The following MANBA variants were observed in gnomAD, a reference collection of about 807,000 sequenced individuals.
MANBA encodes beta-mannosidase.
In MANBA, 83 loss-of-function variants were observed where a neutral mutation model predicts 111.1. The ratio of observed to expected loss-of-function variants is 0.75; its 90% CI spans 0.63 to 0.90. The LOEUF (loss-of-function observed/expected upper bound fraction) is 0.90. MANBA is among the 40% of genes least tolerant of loss of function. The probability of loss-of-function intolerance (pLI) is 0.00; values close to 1 mark genes in which losing one functional copy is unlikely to be tolerated. For missense variants in MANBA, 1,036 were observed against 1,069.0 expected, an observed-to-expected ratio of 0.97 and a Z score of 0.43; for synonymous variants, 370 against 378.7, an observed-to-expected ratio of 0.98 and a Z score of 0.27.
chr4:102,734,691 C>A, intron 1 of MANBA: 1 of 987,454 alleles, frequency 1.0e-6, no homozygotes, highest in East Asian at 2.5e-5. Context: ...ATATCCTGTT[C>A]CCCCTCTCCA....
chr4:102,638,436 A>G (rs1348897971), intron 14 of MANBA, among the ~76,000 whole-genome samples: 1 of 148,144 alleles, frequency 6.8e-6, no homozygotes, highest in African/African-American at 2.5e-5. Flanking sequence ...CAACAAAAAA[A>G]CAAAACAAAA....
At position 102,735,107 on chromosome 4, in the gene MANBA, T is replaced by A. The variant is rs932911727; in HGVS notation, c.178-8424A>T. On this transcript the variant is annotated intron_variant, in intron 1 of 16. Transcript: ENST00000647097. Reference sequence around the variant, plus strand: ...CCTGTTTGTTTAGGCCAAAACGCCATGGCCATGCAATGTTAGTGATCCCAC... The same window carrying A: ...CCTGTTTGTTTAGGCCAAAACGCCAAGGCCATGCAATGTTAGTGATCCCAC... 7.9e-5 allele frequency among the ~76,000 whole-genome samples: 12 copies of A among 152,294 alleles called. No individual in the cohort carries two copies. In the Middle Eastern group the frequency reaches 0.01, roughly 130 times the overall value.
chr4:102,650,565 G>C lies in MANBA; in HGVS notation c.1841C>G (p.Thr614Arg). The C allele has an allele frequency of 6.2e-7, 1 of 1,613,374 alleles. No individual in the cohort carries two copies. Among genetic ancestry groups the C allele is most frequent in the Middle Eastern group, 1.7e-4 (1 of 6,056 alleles). ...KLPQSTDPLR[T>R]FKDTIYLTQV... ...AGTAAGGTAGATGGTATCTTTAAAT[G>C]TGCGTAATGGATCTGTGCTTTGGGG... Residue 614 changes from threonine to arginine, a missense_variant, in exon 13 of 17, where the codon ACA (threonine) becomes AGA (arginine). Transcript: ENST00000647097.
chr4:102,632,933 G>A (rs1171768856), intron 16 of MANBA, among the ~76,000 whole-genome samples: 1 of 152,220 alleles, frequency 6.6e-6, no homozygotes, highest in Non-Finnish European at 1.5e-5. Flanking sequence ...TCCCCAGAGT[G>A]GGAGGGTTTG....
At chr4:102,745,870 T>C (rs1472012947) in intron 1 of MANBA, among the ~76,000 whole-genome samples, 1 of 152,210 alleles carries the variant, frequency 6.6e-6, no homozygotes, top group Non-Finnish European at 1.5e-5. Flanking sequence ...TCTTTTCTAG[T>C]GTAGCACATC....
intron 7 of MANBA, chr4:102,679,610 C>T (rs1578895970): frequency 6.6e-6 from 1 of 152,102 alleles, no homozygotes; most frequent in East Asian, 1.9e-4. Flanking sequence ...TTCAGCCTTA[C>T]CTTCTAAAAA....
chr4:102,746,924 A>T (rs1027612345), intron 1 of MANBA, among the ~76,000 whole-genome samples: 1 of 151,254 alleles, frequency 6.6e-6, no homozygotes, highest in East Asian at 1.9e-4. Context: ...GTGAGCAGAG[A>T]TCGCGCCACT....
In MANBA at chr4:102,668,943, T is replaced by A. The variant is rs1405437490; in HGVS notation, c.1317+20A>T. 3.2e-6 allele frequency: 5 copies of A among 1,574,472 alleles called. No individual in the cohort carries two copies. The South Asian group carries it at 5.6e-5, about 18-fold the overall frequency. ...AACATATTATTTGTTTTATTTCTTC[T>A]TGGAAGGGTAGTAACATACCTGGTA... On this transcript the variant is annotated intron_variant, in intron 10 of 16. Transcript: ENST00000647097.
chr4:102,726,416 T>C (rs1722802669), intron 2 of MANBA, among the ~76,000 whole-genome samples, 173 bp downstream of exon 2: 1 of 151,996 alleles, frequency 6.6e-6, no homozygotes, highest in Admixed American at 6.6e-5. Flanking sequence ...ATATTCACTT[T>C]TATAGTACAA....
chr4:102,678,469 A>C, intron 7 of MANBA, among the ~76,000 whole-genome samples: 1 of 149,918 alleles, frequency 6.7e-6, no homozygotes, highest in East Asian at 1.9e-4. Context: ...TGAGTAACAC[A>C]TATTTGCATC....
At position 102,755,254 on chromosome 4, in the gene MANBA, T is replaced by C. The variant is rs544380231; in HGVS notation, c.177+5464A>G. On this transcript the variant is annotated intron_variant, in intron 1 of 16. Coordinates refer to ENST00000647097, the MANE Select transcript of MANBA (RefSeq NM_005908.4). Reference sequence around the variant, plus strand: ...GGCTACAGTAACCAAAACAGCATGGTACTGGTACCAAAATAGAGATATAGA... The same window carrying C: ...GGCTACAGTAACCAAAACAGCATGGCACTGGTACCAAAATAGAGATATAGA... 2.5e-3 allele frequency among the ~76,000 whole-genome samples: 387 copies of C among 152,312 alleles called. 3 individuals carry two copies. Among genetic ancestry groups the C allele is most frequent in the African/African-American group, 8.8e-3 (365 of 41,566 alleles).
intron 1 of MANBA, among the ~76,000 whole-genome samples, chr4:102,757,380 A>G (rs1280582623): frequency 6.6e-6 from 1 of 152,156 alleles, no homozygotes; most frequent in Non-Finnish European, 1.5e-5. Flanking sequence ...AGAGAACCCA[A>G]AAGACTCTCT....
intron 7 of MANBA, among the ~76,000 whole-genome samples, chr4:102,689,065 T>A (rs1373959857): frequency 6.6e-6 from 1 of 152,124 alleles, no homozygotes; most frequent in African/African-American, 2.4e-5. Flanking sequence ...TTTAAAAATA[T>A]AAGGCCGGGC....
rs934815358 is a variant in MANBA, at chr4:102,631,962, C to T, written c.*95G>A. The T allele has an allele frequency of 1.6e-5, 17 of 1,073,424 alleles. No homozygotes were observed. Among genetic ancestry groups the T allele is most frequent in the South Asian group, 7.7e-5 (6 of 78,100 alleles). 66.5% of individuals were successfully genotyped at this position (1,073,424 alleles called of 1,614,324 possible). On this transcript the variant is annotated 3_prime_UTR_variant, in exon 17 of 17. Coordinates refer to ENST00000647097, the MANE Select transcript of MANBA (RefSeq NM_005908.4). The stretch of plus-strand genomic sequence containing the variant: ...CGTGGCAGCACGCAGACATGTCTCT[C>T]GGCTTCTCTCCTTGTCTCTGTTGCC...
intron 1 of MANBA, among the ~76,000 whole-genome samples, chr4:102,742,176 C>T (rs566704003): frequency 6.6e-6 from 1 of 152,286 alleles, no homozygotes; most frequent in African/African-American, 2.4e-5. Context: ...CTGACTTAAA[C>T]TTAGGAGGAG....
At chr4:102,643,275 C>G (rs116124797) in intron 13 of MANBA, among the ~76,000 whole-genome samples, 1 of 152,166 alleles carries the variant, frequency 6.6e-6, no homozygotes, top group South Asian at 2.1e-4. Flanking sequence ...TATGGAGATG[C>G]TACATTTTGC....
intron 13 of MANBA, among the ~76,000 whole-genome samples, chr4:102,644,976 T>C (rs1217681461): frequency 6.6e-6 from 1 of 152,078 alleles, no homozygotes; most frequent in East Asian, 1.9e-4. Flanking sequence ...TTCTCAATTT[T>C]ATTGAATCAA....
chr4:102,755,647 T>C (rs2110214087), intron 1 of MANBA, among the ~76,000 whole-genome samples: 1 of 152,314 alleles, frequency 6.6e-6, no homozygotes, highest in South Asian at 2.1e-4. Flanking sequence ...AGAGAGCTTC[T>C]GCACAGCAAA....
At chr4:102,752,133 C>T in intron 1 of MANBA, 2 of 769,254 alleles carry the variant, frequency 2.6e-6, no homozygotes, top group South Asian at 2.7e-5. Flanking sequence ...CCCATAGTGA[C>T]CCTCTCTGGT....
Sources: gnomAD v4.1 joint callset for allele counts (sites outside exome capture counted in the v4.1 genomes callset) on GRCh38, gnomAD v4.1.1 for gene constraint, MANE v1.5 for transcripts, NCBI Gene and HGNC (gene_info 2026-07-23, HGNC 2026-07-21) for gene names.